ETV5: variants seen among roughly 807,000 people sequenced by gnomAD.
ETV5 encodes the protein ETS variant transcription factor 5, also known as ETS translocation variant 5.
In ETV5, 10 loss-of-function variants were observed where a neutral mutation model predicts 70.0. The ratio of observed to expected loss-of-function variants is 0.14; its 90% CI spans 0.09 to 0.24. The LOEUF (loss-of-function observed/expected upper bound fraction) is 0.24. ETV5 is among the 10% of genes least tolerant of loss of function. The pLI is 1.00. For missense variants in ETV5, 453 were observed against 651.2 expected (o/e 0.70, Z 3.31); for synonymous variants, 216 against 242.2 (o/e 0.89, Z 1.01).
At chr3:186,081,226 A>C in intron 5 of ETV5, 51 bp from the exon 6 acceptor site, 1 of 1,546,410 alleles carries the variant, frequency 6.5e-7, no homozygotes, top group Middle Eastern at 2.1e-4. Flanking sequence ...CAGCTGATTA[A>C]CAGGGAGCAC....
chr3:186,079,151 C>G, intron 7 of ETV5: 1 of 980,296 alleles, frequency 1.0e-6, no homozygotes, highest in Non-Finnish European at 1.2e-6. Context: ...CACAAGCATC[C>G]GAGATTCTAG....
chr3:186,101,730 T>A (rs1185146312), intron 5 of ETV5, among the ~76,000 whole-genome samples: 18 of 152,226 alleles, frequency 1.2e-4, no homozygotes, highest in Admixed American at 1.2e-3. Context: ...TACATCTTCC[T>A]CTTACTTCAC....
intron 5 of ETV5, among the ~76,000 whole-genome samples, chr3:186,086,960 G>A (rs972398848): frequency 1.5e-4 from 23 of 152,116 alleles, no homozygotes; most frequent in Non-Finnish European, 2.6e-4. Flanking sequence ...AACAGAGTGA[G>A]ACCCTGTCTC....
intron 5 of ETV5, among the ~76,000 whole-genome samples, chr3:186,091,343 T>G (rs573942853): frequency 1.7e-4 from 26 of 152,274 alleles, no homozygotes; most frequent in Middle Eastern, 3.4e-3. Flanking sequence ...TCTGGGGTAT[T>G]TTTGCTATTT....
chr3:186,096,998 C>T (rs1714318404), intron 5 of ETV5, among the ~76,000 whole-genome samples: 1 of 152,060 alleles, frequency 6.6e-6, no homozygotes, highest in South Asian at 2.1e-4. Flanking sequence ...CAAGACCACC[C>T]CCAGCACACC....
rs1216253738 is a variant in ETV5, at chr3:186,108,945, G to C, written c.-80C>G. ...CCCCCGCAAAGCCCCCTCACCTGAG[G>C]CGGCCTCTCTCCTCCCCTTGCAGCG... On this transcript the variant is annotated 5_prime_UTR_variant, in exon 1 of 13. Coordinates refer to ENST00000306376, the MANE Select transcript of ETV5 (RefSeq NM_004454.3). 6.2e-6 allele frequency: 1 copy of C among 160,242 alleles called. No homozygotes were observed. The highest frequency in any genetic ancestry group is 2.4e-5 in the African/African-American group (1 of 41,474). 9.9% of individuals were successfully genotyped at this position (160,242 alleles called of 1,614,324 possible).
intron 1 of ETV5, 98 bp from the exon 2 acceptor site, chr3:186,106,040 T>G: frequency 1.2e-6 from 1 of 822,534 alleles, no homozygotes; most frequent in Non-Finnish European, 2.0e-6. Flanking sequence ...GCAAAATTAT[T>G]ACCCTTCTGT....
At chr3:186,067,332 T>C (rs1430231150) in intron 7 of ETV5, among the ~76,000 whole-genome samples, 1 of 152,260 alleles carries the variant, frequency 6.6e-6, no homozygotes, top group East Asian at 1.9e-4. Flanking sequence ...CTCTGGAGGC[T>C]GAGGCAGAAG....
In ETV5 at chr3:186,080,043, A is replaced by G; in HGVS notation, c.424T>C (p.Ser142Pro). The G allele has an allele frequency of 2.6e-6, 4 of 1,513,630 alleles. No homozygotes were observed. The highest frequency in any genetic ancestry group is 1.8e-6 in the Non-Finnish European group (2 of 1,137,466). The allele number at this position is 1,513,630 out of a possible 1,614,324, so 93.8% of individuals were successfully genotyped here. A position where few individuals can be genotyped will look rare whatever the true frequency, so the allele number is the denominator to read the frequency against. ...KPLTPPTTPL[S>P]PTHQNPLFPP... ...AATAGGGGATTCTGATGGGTGGGTG[A>G]GAGGGGGGTTGTAGGAGGGGTTAAT... Residue 142 changes from serine (S) to proline (P), a missense_variant, in exon 7 of 13, where the codon TCA becomes CCA. By Grantham distance (74) the Ser-to-Pro change is moderately conservative (BLOSUM62 -1). This residue lies in a region of ETV5 where 307 missense variants were observed against 344.9 expected (regional missense o/e 0.89). Transcript: ENST00000306376.
At chr3:186,087,634 T>A (rs889290698) in intron 5 of ETV5, among the ~76,000 whole-genome samples, 1 of 152,064 alleles carries the variant, frequency 6.6e-6, no homozygotes, top group Admixed American at 6.5e-5. Flanking sequence ...ATAGAAAAAA[T>A]AAACTGGTCC....
intron 7 of ETV5, chr3:186,076,453 T>C: frequency 5.4e-6 from 1 of 185,472 alleles, no homozygotes; most frequent in Non-Finnish European, 1.1e-5. Flanking sequence ...GAGGTCACCA[T>C]ATTGATGCTA....
intron 11 of ETV5, among the ~76,000 whole-genome samples, chr3:186,056,776 C>A (rs1021879999): frequency 6.6e-6 from 1 of 152,254 alleles, no homozygotes; most frequent in Non-Finnish European, 1.5e-5. Flanking sequence ...CTGAAAAAGA[C>A]TTTCCAAGAG....
intron 5 of ETV5, among the ~76,000 whole-genome samples, chr3:186,100,810 T>C (rs1714435041): frequency 6.6e-6 from 1 of 152,194 alleles, no homozygotes; most frequent in South Asian, 2.1e-4. Context: ...TTTATCATGC[T>C]CTCTACTCAG....
At chr3:186,059,426 G>A (rs1713252505) in intron 9 of ETV5, among the ~76,000 whole-genome samples, 1 of 152,192 alleles carries the variant, frequency 6.6e-6, no homozygotes, top group African/African-American at 2.4e-5. Context: ...GACAATAAAG[G>A]AGAAAAAGAA....
At position 186,105,705 on chromosome 3, in the gene ETV5, C is replaced by A; in HGVS notation, c.53G>T (p.Arg18Leu). Residue 18 changes from arginine to leucine, a missense_variant, in exon 3 of 13, where the codon CGA (arginine) becomes CTA (leucine). Physicochemically the swap from Arg to Leu is moderately radical, Grantham distance 102 (BLOSUM62 -2). Transcript: ENST00000306376. The surrounding 1 kb of genome is among the most constrained non-coding windows in gnomAD (Gnocchi z 4.5). Reference sequence around the variant, plus strand: ...AGGCCGCCCTCTGCATTCCTCAGATCGAGATTTCTGAAAGAGGCCAACAGA... The same window carrying A: ...AGGCCGCCCTCTGCATTCCTCAGATAGAGATTTCTGAAAGAGGCCAACAGA... ...QVPFMVPGKSRSEECRGRPVI... is the reference protein window; with the variant it reads ...QVPFMVPGKSLSEECRGRPVI... 1 of 1,614,098 alleles carries A rather than the reference C, an allele frequency of 6.2e-7. No individual in the cohort carries two copies. The highest frequency in any genetic ancestry group is 8.5e-7 in the Non-Finnish European group (1 of 1,180,034).
rs768544405 is a variant in ETV5 at position 186,048,803 on chromosome 3, T to A, written c.1369A>T (p.Met457Leu). 8.1e-6 allele frequency: 13 copies of A among 1,614,032 alleles called. No homozygotes were observed. The East Asian group carries it at 2.9e-4, about 36-fold the overall frequency. Reference sequence around the variant, plus strand: ...GGACGCTGGTTATCCGGGAAAGCCATGGAGAAGAGGGCATCTGGGTCACAG... The same window carrying A: ...GGACGCTGGTTATCCGGGAAAGCCAAGGAGAAGAGGGCATCTGGGTCACAG... ...FVCDPDALFS[M>L]AFPDNQRPFL... The change falls in exon 13 of 13, where the codon ATG becomes TTG. Residue 457 changes from methionine to leucine, a missense_variant. Physicochemically the swap from Met to Leu is conservative, Grantham distance 15. Around this residue, in one of 4 missense-constraint regions of ETV5, gnomAD observed 74 missense variants for 95.2 expected, o/e 0.78. Transcript: ENST00000306376.
intron 1 of ETV5, chr3:186,108,361 G>A: frequency 1.8e-6 from 1 of 552,112 alleles, no homozygotes. Flanking sequence ...CTGCTGGGTG[G>A]GAGCAGGGCG....
At chr3:186,078,534 A>T (rs1713852703) in intron 7 of ETV5, among the ~76,000 whole-genome samples, 1 of 149,184 alleles carries the variant, frequency 6.7e-6, no homozygotes, top group African/African-American at 2.5e-5. Flanking sequence ...TTGCCAACTT[A>T]AAAAAAAAAG....
chr3:186,074,458 C>T (rs1382593766), intron 7 of ETV5, among the ~76,000 whole-genome samples: 1 of 152,044 alleles, frequency 6.6e-6, no homozygotes, highest in Admixed American at 6.6e-5. Context: ...CGGAAGACAC[C>T]CTCTACTCAT....
Sources: allele counts gnomAD v4.1 joint callset (sites outside exome capture counted in the v4.1 genomes callset), GRCh38; gene constraint gnomAD v4.1.1; regional missense constraint gnomAD v4.1.1; non-coding constraint Gnocchi (gnomAD v3.1); transcripts MANE v1.5; gene names NCBI Gene and HGNC (gene_info 2026-07-23, HGNC 2026-07-21).